WDR70: variants seen among roughly 807,000 people sequenced by gnomAD.
WDR70 encodes the protein WD repeat-containing protein 70.
WDR70 carries 53 observed loss-of-function variants against 88.6 expected under a neutral mutation model. The ratio of observed to expected loss-of-function variants is 0.60; its 90% CI spans 0.48 to 0.75. The LOEUF is 0.75. Among genes scored for constraint, WDR70 ranks in the 30% least tolerant of loss-of-function variants. WDR70 has a pLI of 0.00. For missense variants in WDR70, 610 were observed against 823.2 expected (o/e 0.74, Z 3.17); for synonymous variants, 280 against 270.0 (o/e 1.04, Z -0.36).
chr5:37,552,007 G>A (rs1268273308), intron 9 of WDR70, among the ~76,000 whole-genome samples: 1 of 151,880 alleles, frequency 6.6e-6, no homozygotes, highest in African/African-American at 2.4e-5. Context: ...CCTGACCTCA[G>A]GCATTCCAGC....
At chr5:37,600,989 A>G (rs6865231) in intron 9 of WDR70, among the ~76,000 whole-genome samples, 2 of 152,028 alleles carry the variant, frequency 1.3e-5, no homozygotes, top group African/African-American at 2.4e-5. Flanking sequence ...AACAAAAAAC[A>G]GAGACAATTT....
chr5:37,658,369 A>T (rs933504700), intron 10 of WDR70, among the ~76,000 whole-genome samples: 1 of 152,156 alleles, frequency 6.6e-6, no homozygotes, highest in Admixed American at 6.5e-5. Flanking sequence ...CTCTAGTCAT[A>T]TATAATTCTG....
intron 9 of WDR70, among the ~76,000 whole-genome samples, chr5:37,589,837 A>G (rs1224559565): frequency 1.3e-5 from 2 of 152,138 alleles, no homozygotes; most frequent in Non-Finnish European, 2.9e-5. Flanking sequence ...CCTGGACTCA[A>G]GTGATCCGCC....
chr5:37,581,456 G>A (rs1478355053), intron 9 of WDR70, among the ~76,000 whole-genome samples: 2 of 152,088 alleles, frequency 1.3e-5, no homozygotes, highest in African/African-American at 2.4e-5. Flanking sequence ...TTAAAAACAG[G>A]CAAAATGACT....
chr5:37,454,514 GA>G (rs937750710), intron 7 of WDR70, among the ~76,000 whole-genome samples: 1 of 151,928 alleles, frequency 6.6e-6, no homozygotes, highest in African/African-American at 2.4e-5. Flanking sequence ...AATAAAAAAA[GA>G]AAAAACAGAT....
intron 10 of WDR70, among the ~76,000 whole-genome samples, chr5:37,671,894 TC>T (rs2112594882): frequency 6.6e-6 from 1 of 152,242 alleles, no homozygotes; most frequent in South Asian, 2.1e-4. Context: ...GGGGGACTTT[TC>T]CTGTAGGGAA....
In WDR70 at chr5:37,706,768, C is replaced by G. The variant is rs1747340781; in HGVS notation, c.1416+3681C>G. Reference sequence around the variant, plus strand: ...ACAGACTCACACTCACACTCTCTCTCTCTCTCCCCTCATTTGTTATCTAAT... The same window carrying G: ...ACAGACTCACACTCACACTCTCTCTGTCTCTCCCCTCATTTGTTATCTAAT... On this transcript the variant is annotated intron_variant, in intron 13 of 17. Coordinates refer to ENST00000265107, the MANE Select transcript of WDR70 (RefSeq NM_018034.4). 2.6e-5 allele frequency among the ~76,000 whole-genome samples: 4 copies of G among 152,078 alleles called. No homozygotes were observed. The South Asian group carries it at 8.3e-4, about 31-fold the overall frequency.
intron 10 of WDR70, among the ~76,000 whole-genome samples, chr5:37,613,197 T>C (rs16903690): frequency 6.6e-6 from 1 of 152,066 alleles, no homozygotes; most frequent in Admixed American, 6.6e-5. Context: ...ATTATCCTTG[T>C]TTTTTAAGAC....
chr5:37,490,224 G>A (rs1335201224), intron 8 of WDR70, among the ~76,000 whole-genome samples: 5 of 152,094 alleles, frequency 3.3e-5, no homozygotes, highest in Non-Finnish European at 7.4e-5. Context: ...CTGATGTTGT[G>A]CACAAATGCA....
intron 6 of WDR70, among the ~76,000 whole-genome samples, chr5:37,439,392 A>T (rs964700819): frequency 6.6e-6 from 1 of 151,994 alleles, no homozygotes; most frequent in Non-Finnish European, 1.5e-5. Context: ...TGTGTTTTTA[A>T]GTAAATAAGG....
At chr5:37,382,981 C>G (rs1748479477) in intron 3 of WDR70, among the ~76,000 whole-genome samples, 1 of 151,086 alleles carries the variant, frequency 6.6e-6, no homozygotes, top group East Asian at 2.0e-4. Flanking sequence ...CCATTGCACT[C>G]CAGCCTGGGC....
At chr5:37,752,300 T>A (rs1021643064) in intron 17 of WDR70, among the ~76,000 whole-genome samples, 186 bp from the exon 18 acceptor site, 1 of 152,208 alleles carries the variant, frequency 6.6e-6, no homozygotes, top group East Asian at 1.9e-4. Context: ...AATCTTTTGC[T>A]CTTTTCCTGA....
At chr5:37,569,044 G>A (rs1478830870) in intron 9 of WDR70, among the ~76,000 whole-genome samples, 1 of 152,138 alleles carries the variant, frequency 6.6e-6, no homozygotes, top group Non-Finnish European at 1.5e-5. Flanking sequence ...ACATGAGGGA[G>A]GCCATTCTGG....
At chr5:37,560,907 G>A (rs1226741663) in intron 9 of WDR70, among the ~76,000 whole-genome samples, 1 of 150,780 alleles carries the variant, frequency 6.6e-6, no homozygotes, top group East Asian at 2.0e-4. Flanking sequence ...GAACTCCTGG[G>A]TTCAAGCTGT....
chr5:37,538,612 G>A (rs1242038057), intron 9 of WDR70, among the ~76,000 whole-genome samples: 3 of 152,176 alleles, frequency 2.0e-5, no homozygotes. Flanking sequence ...TTCTGAGTGT[G>A]AGTTGGAGAT....
At chr5:37,401,649 T>TG (rs1020113610) in intron 5 of WDR70, among the ~76,000 whole-genome samples, 1 of 151,896 alleles carries the variant, frequency 6.6e-6, no homozygotes, top group Non-Finnish European at 1.5e-5. Flanking sequence ...TTTGTAGAGG[T>TG]GGGGGTCTCA....
intron 17 of WDR70, among the ~76,000 whole-genome samples, chr5:37,738,065 C>T (rs973840870): frequency 2.7e-5 from 4 of 150,334 alleles, no homozygotes; most frequent in Non-Finnish European, 5.9e-5. Flanking sequence ...ACAACAACTT[C>T]GATTAGCTCT....
intron 10 of WDR70, among the ~76,000 whole-genome samples, chr5:37,626,983 A>G (rs1425454336): frequency 6.6e-6 from 1 of 151,216 alleles, no homozygotes; most frequent in East Asian, 1.9e-4. Flanking sequence ...TCCGTTTATG[A>G]TTTTTTCAAA....
intron 6 of WDR70, among the ~76,000 whole-genome samples, chr5:37,440,647 C>T (rs4869506): frequency 0.86 from 131,488 of 152,272 alleles, 59,990 homozygotes; most frequent in East Asian, 1. Context: ...GCCCAGCCTC[C>T]GAGCTCTGTT....
Sources: allele counts gnomAD v4.1 joint callset (sites outside exome capture counted in the v4.1 genomes callset), GRCh38; gene constraint gnomAD v4.1.1; transcripts MANE v1.5; gene names NCBI Gene and HGNC (gene_info 2026-07-23, HGNC 2026-07-21).